Variants in HIBADH observed in about 807,000 individuals in gnomAD.
HIBADH encodes the protein 3-hydroxyisobutyrate dehydrogenase.
HIBADH carries 25 observed loss-of-function variants against 36.1 expected under a neutral mutation model. That is an observed-to-expected ratio of 0.69 (90% confidence interval 0.50 to 0.97). The LOEUF is 0.97. Among genes scored for constraint, HIBADH ranks in the 50% least tolerant of loss-of-function variants. The pLI is 0.00. For missense variants in HIBADH, 421 were observed against 418.0 expected, an observed-to-expected ratio of 1.01 and a Z score of -0.06; for synonymous variants, 160 against 149.5, an observed-to-expected ratio of 1.07 and a Z score of -0.51.
intron 4 of HIBADH, among the ~76,000 whole-genome samples, chr7:27,544,393 T>C (rs550786956): frequency 1.3e-5 from 2 of 152,338 alleles, no homozygotes; most frequent in African/African-American, 2.4e-5. Context: ...TATGAAAACC[T>C]GAGATGCTCA....
At chr7:27,541,962 TTA>T (rs1784157656) in intron 5 of HIBADH, among the ~76,000 whole-genome samples, 1 of 152,226 alleles carries the variant, frequency 6.6e-6, no homozygotes, top group African/African-American at 2.4e-5. Flanking sequence ...AGAGTTAATT[TTA>T]TGCCATTATG....
chr7:27,548,721 A>G (rs1408897411), intron 4 of HIBADH, among the ~76,000 whole-genome samples: 2 of 152,164 alleles, frequency 1.3e-5, no homozygotes, highest in African/African-American at 4.8e-5. Flanking sequence ...TGCACTCAAA[A>G]AATCCAAAAT....
chr7:27,534,318 A>G (rs1230473876), intron 6 of HIBADH, among the ~76,000 whole-genome samples: 1 of 152,212 alleles, frequency 6.6e-6, no homozygotes, highest in Non-Finnish European at 1.5e-5. Context: ...TTTGTATCAC[A>G]GGAACAGATC....
intron 4 of HIBADH, among the ~76,000 whole-genome samples, chr7:27,562,746 C>A (rs560032652): frequency 6.6e-5 from 10 of 152,306 alleles, no homozygotes; most frequent in African/African-American, 2.4e-4. Context: ...GTATGAGCCA[C>A]CACACTCAGC....
intron 2 of HIBADH, among the ~76,000 whole-genome samples, chr7:27,637,141 G>A (rs1265270273): frequency 6.6e-6 from 1 of 152,098 alleles, no homozygotes; most frequent in Non-Finnish European, 1.5e-5. Flanking sequence ...AGCAGTAATG[G>A]TACTTTCTAT....
At chr7:27,623,162 T>C (rs968422436) in intron 4 of HIBADH, among the ~76,000 whole-genome samples, 1 of 152,168 alleles carries the variant, frequency 6.6e-6, no homozygotes, top group Admixed American at 6.5e-5. Context: ...AACCGTATGA[T>C]CATCTCAATA....
chr7:27,561,790 A>G (rs1784472397), intron 4 of HIBADH, among the ~76,000 whole-genome samples: 1 of 152,172 alleles, frequency 6.6e-6, no homozygotes, highest in Non-Finnish European at 1.5e-5. Context: ...GTTATTAGGT[A>G]CAATACATAC....
intron 4 of HIBADH, among the ~76,000 whole-genome samples, chr7:27,562,482 CTTGT>C (rs1382342034): frequency 6.6e-6 from 1 of 152,084 alleles, no homozygotes; most frequent in African/African-American, 2.4e-5. Context: ...GTTTACATTT[CTTGT>C]TTATCATTTC....
At chr7:27,548,987 G>A (rs1784276911) in intron 4 of HIBADH, among the ~76,000 whole-genome samples, 1 of 152,134 alleles carries the variant, frequency 6.6e-6, no homozygotes, top group Non-Finnish European at 1.5e-5. Context: ...CAGGTATTCT[G>A]AATCCATTTG....
At chr7:27,538,904 CAAGA>C (rs1335127773) in intron 5 of HIBADH, among the ~76,000 whole-genome samples, 1 of 151,820 alleles carries the variant, frequency 6.6e-6, no homozygotes, top group Non-Finnish European at 1.5e-5. Flanking sequence ...TTTAAACAGA[CAAGA>C]AAGAGAAAGA....
intron 4 of HIBADH, among the ~76,000 whole-genome samples, chr7:27,545,566 A>G (rs1369264109): frequency 6.6e-6 from 1 of 152,226 alleles, no homozygotes; most frequent in Admixed American, 6.5e-5. Flanking sequence ...GAGACATTGT[A>G]TAGATGTTTA....
intron 4 of HIBADH, among the ~76,000 whole-genome samples, chr7:27,581,912 GA>G (rs887712737): frequency 5.3e-5 from 8 of 151,052 alleles, no homozygotes; most frequent in African/African-American, 1.9e-4. Flanking sequence ...AGATCCTCTA[GA>G]AAAAAAATAT....
intron 4 of HIBADH, among the ~76,000 whole-genome samples, chr7:27,543,940 T>C (rs1469388026): frequency 6.6e-6 from 1 of 152,188 alleles, no homozygotes; most frequent in East Asian, 1.9e-4. Context: ...GCTTCATTCA[T>C]CTAAATTTTT....
At chr7:27,639,321 A>C (rs1183421417) in intron 2 of HIBADH, among the ~76,000 whole-genome samples, 1 of 152,212 alleles carries the variant, frequency 6.6e-6, no homozygotes, top group Non-Finnish European at 1.5e-5. Context: ...CATTATCCTA[A>C]GCAAACTAAT....
At chr7:27,611,743 G>C (rs1340054653) in intron 4 of HIBADH, among the ~76,000 whole-genome samples, 2 of 152,126 alleles carry the variant, frequency 1.3e-5, no homozygotes, top group Non-Finnish European at 2.9e-5. Flanking sequence ...TCAGGTACAG[G>C]TTATTCAATT....
At chr7:27,527,767 T>TTTTTTTTA (rs1783925724) in intron 7 of HIBADH, among the ~76,000 whole-genome samples, 4 of 150,512 alleles carry the variant, frequency 2.7e-5, no homozygotes, top group African/African-American at 4.9e-5. Flanking sequence ...TTTTTTTTTT[T>TTTTTTTTA]GAGACGGAGT....
chr7:27,571,173 C>T (rs988057771), intron 4 of HIBADH, among the ~76,000 whole-genome samples: 3 of 152,052 alleles, frequency 2.0e-5, no homozygotes, highest in African/African-American at 7.2e-5. Context: ...TTTCTAAATT[C>T]GGTCATTTCT....
intron 4 of HIBADH, among the ~76,000 whole-genome samples, chr7:27,594,025 AAAATAAATAAATAAATAAAT>A (rs538937381): frequency 6.7e-6 from 1 of 149,548 alleles, no homozygotes; most frequent in Non-Finnish European, 1.5e-5. Context: ...TCCGTCTCAA[AAAATAAATAAATAAATAAAT>A]AAATAAATAA....
At chr7:27,574,208 T>TTA in intron 4 of HIBADH, among the ~76,000 whole-genome samples, 1 of 92,104 alleles carries the variant, frequency 1.1e-5, no homozygotes, top group Non-Finnish European at 2.2e-5. Flanking sequence ...CTTTAGAAAT[T>TTA]AGATAGTTGG....
Sources: gnomAD v4.1 joint callset for allele counts (sites outside exome capture counted in the v4.1 genomes callset) on GRCh38, gnomAD v4.1.1 for gene constraint, MANE v1.5 for transcripts, NCBI Gene and HGNC (gene_info 2026-07-23, HGNC 2026-07-21) for gene names.